The following CHI3L2 variants were observed in gnomAD, a reference collection of about 807,000 sequenced individuals.
CHI3L2 encodes chitinase-3-like protein 2.
A neutral mutation model predicts 47.3 loss-of-function variants in CHI3L2; 47 were observed. The observed-to-expected ratio is 0.99, with a 90% CI of 0.79 to 1.27. The LOEUF (loss-of-function observed/expected upper bound fraction) is 1.27. Among genes scored for constraint, CHI3L2 ranks in the 50% most tolerant of loss-of-function variants. CHI3L2 has a pLI of 0.00. For synonymous variants in CHI3L2, 198 were observed against 169.9 expected (o/e 1.17, Z -1.28); for missense variants, 497 against 462.1 (o/e 1.08, Z -0.69).
At chr1:111,231,511 C>T (rs1257771741) in intron 4 of CHI3L2, 2 of 481,408 alleles carry the variant, frequency 4.2e-6, no homozygotes, top group African/African-American at 4.0e-5. Flanking sequence ...CAAGCCCAGA[C>T]ACTCAAGGCT....
Position 111,235,826 on chromosome 1 carries a change from T to A in CHI3L2, c.605+63T>A, listed in dbSNP as rs1051553142. 37 of 1,594,360 alleles carry A rather than the reference T, an allele frequency of 2.3e-5. No individual in the cohort carries two copies. The East Asian group carries it at 6.7e-4, about 29-fold the overall frequency. The stretch of plus-strand genomic sequence containing the variant: ...CAATTTGGTCCATGCAAATGATGCA[T>A]CAGCATGTTTGACGGATGAGGGGAG... On this transcript the variant is annotated intron_variant, in intron 6 of 10. Coordinates refer to ENST00000369748, the MANE Select transcript of CHI3L2 (RefSeq NM_004000.3).
Position 111,236,125 on chromosome 1 carries a change from A to C in CHI3L2, c.707A>C (p.Asp236Ala), listed in dbSNP as rs753494309. The C allele has an allele frequency of 1.8e-5, 29 of 1,614,172 alleles. No homozygotes were observed. Among genetic ancestry groups the C allele is most frequent in the Non-Finnish European group, 2.4e-5 (28 of 1,180,026 alleles). ...HNSPLSKGWQ[D>A]RGPSSYYNVE... ...AGCCCTCTGAGCAAGGGGTGGCAGG[A>C]CAGAGGGCCAAGCTCCTACTACAAT... Residue 236 changes from aspartate (D) to alanine (A), a missense_variant, in exon 7 of 11, where the codon GAC becomes GCC. Physicochemically the swap from Asp to Ala is moderately radical, Grantham distance 126. Transcript: ENST00000369748.
At chr1:111,238,696 T>A in intron 7 of CHI3L2, 54 bp from the exon 8 acceptor site, 1 of 1,584,628 alleles carries the variant, frequency 6.3e-7, no homozygotes, top group South Asian at 1.1e-5. Flanking sequence ...CTAAAAAAGG[T>A]CTGACACCTT....
intron 2 of CHI3L2, 75 bp from the exon 3 acceptor site, chr1:111,230,667 G>A: frequency 8.1e-7 from 1 of 1,241,326 alleles, no homozygotes; most frequent in Non-Finnish European, 1.2e-6. Flanking sequence ...GGCTGTCTTG[G>A]GGAGAAAATT....
At chr1:111,230,661 G>T in intron 2 of CHI3L2, 81 bp from the exon 3 acceptor site, 1 of 1,189,684 alleles carries the variant, frequency 8.4e-7, no homozygotes, top group Admixed American at 1.8e-5. Flanking sequence ...TGCAATGGCT[G>T]TCTTGGGGAG....
chr1:111,233,846 A>G (rs1238433099), intron 4 of CHI3L2, among the ~76,000 whole-genome samples: 1 of 152,118 alleles, frequency 6.6e-6, no homozygotes, highest in African/African-American at 2.4e-5. Flanking sequence ...GTTCTGTACT[A>G]AGAAAAATTC....
At chr1:111,227,895 A>C in intron 1 of CHI3L2, 126 bp downstream of exon 1, 1 of 961,066 alleles carries the variant, frequency 1.0e-6, no homozygotes, top group Non-Finnish European at 1.6e-6. Flanking sequence ...AGTGTCAAAA[A>C]ATTTCAAGCC....
upstream of CHI3L2, chr1:111,227,674 C>T (rs748153162): frequency 1.3e-6 from 2 of 1,569,790 alleles, no homozygotes; most frequent in Admixed American, 1.7e-5. Flanking sequence ...GCTGTCGAAA[C>T]CTCAGTGGAT....
chr1:111,229,940 G>T, intron 2 of CHI3L2, 59 bp downstream of exon 2: 3 of 1,591,312 alleles, frequency 1.9e-6, no homozygotes, highest in Non-Finnish European at 2.6e-6. Flanking sequence ...TTTCATTTTT[G>T]ATGTACAGTT....
At chr1:111,231,024 A>G (rs1659702736) in intron 3 of CHI3L2, 81 bp downstream of exon 3, 2 of 1,129,792 alleles carry the variant, frequency 1.8e-6, no homozygotes, top group African/African-American at 1.5e-5. Flanking sequence ...AAGACATACT[A>G]TCTCATTCAT....
intron 4 of CHI3L2, among the ~76,000 whole-genome samples, chr1:111,232,544 T>G (rs1659754297): frequency 6.6e-6 from 1 of 152,212 alleles, no homozygotes; most frequent in African/African-American, 2.4e-5. Flanking sequence ...ACAATAAGAA[T>G]AATAACAGAA....
rs1162295623 is a variant in CHI3L2 at position 111,243,242 on chromosome 1, G to A, written c.*28G>A. 1 of 456,068 alleles carries A rather than the reference G, an allele frequency of 2.2e-6. No homozygotes were observed. Among genetic ancestry groups the A allele is most frequent in the Non-Finnish European group, 4.4e-6 (1 of 226,810 alleles). 28.3% of individuals were successfully genotyped at this position (456,068 alleles called of 1,614,324 possible). A position where few individuals can be genotyped will look rare whatever the true frequency, so the allele number is the denominator to read the frequency against. On this transcript the variant is annotated 3_prime_UTR_variant, in exon 11 of 11. Coordinates refer to ENST00000369748, the MANE Select transcript of CHI3L2 (RefSeq NM_004000.3). ...GATTAACTTACAGAGAAGCAGGCAA[G>A]ATGACCTTGCTGCCTGGGGCCTGCT... is the stretch of plus-strand genomic sequence containing the variant.
At chr1:111,234,096 T>C (rs1557708401) in intron 4 of CHI3L2, among the ~76,000 whole-genome samples, 2 of 150,182 alleles carry the variant, frequency 1.3e-5, no homozygotes, top group African/African-American at 2.4e-5. Context: ...CCAGAGACCT[T>C]TGTTCACTTG....
chr1:111,238,258 G>A lies in CHI3L2; in HGVS notation c.736-492G>A, dbSNP rs577839986. Among the ~76,000 whole-genome samples, 16 of 152,290 alleles carry A rather than the reference G, an allele frequency of 1.1e-4. No individual in the cohort carries two copies. In the South Asian group the frequency reaches 1.5e-3, roughly 14 times the overall value. On this transcript the variant is annotated intron_variant, in intron 7 of 10. Transcript: ENST00000369748. ...CTGAGAGCTGTGTCATGGGCCATTCGTCACTCATATTTGGCTCAGAATAAA... is the reference window on the plus strand; with the variant it reads ...CTGAGAGCTGTGTCATGGGCCATTCATCACTCATATTTGGCTCAGAATAAA...
rs1050897486 is a variant in CHI3L2 at position 111,242,145 on chromosome 1, T to C, written c.1036-82T>C. 88 of 1,565,666 alleles carry C rather than the reference T, an allele frequency of 5.6e-5. No homozygotes were observed. The Admixed American group carries it at 1.4e-3, about 26-fold the overall frequency. On this transcript the variant is annotated intron_variant, in intron 9 of 10. Coordinates refer to ENST00000369748, the MANE Select transcript of CHI3L2 (RefSeq NM_004000.3). ...GTCTACTGCTGTATTTTAAGCTTAG[T>C]CCCTCATCTGAACCTGATATGGTCC...
rs1014133365 is a variant in CHI3L2, at chr1:111,231,311, A to G, written c.329+17A>G. The G allele has an allele frequency of 1.9e-6, 3 of 1,572,816 alleles. No individual in the cohort carries two copies. Among genetic ancestry groups the G allele is most frequent in the South Asian group, 2.3e-5 (2 of 88,590 alleles). Reference sequence around the variant, plus strand: ...TTCCAAAGGGTAAGACTACATCTTTATTTTTTGTTCATTTCCCCATGTAAT... The same window carrying G: ...TTCCAAAGGGTAAGACTACATCTTTGTTTTTTGTTCATTTCCCCATGTAAT... On this transcript the variant is annotated intron_variant, in intron 4 of 10. Coordinates refer to ENST00000369748, the MANE Select transcript of CHI3L2 (RefSeq NM_004000.3).
At position 111,238,759 on chromosome 1, in the gene CHI3L2, G is replaced by A. The variant is rs371597889; in HGVS notation, c.745G>A (p.Val249Met). The A allele has an allele frequency of 5.0e-6, 8 of 1,613,750 alleles. No homozygotes were observed. Among genetic ancestry groups the A allele is most frequent in the African/African-American group, 1.3e-5 (1 of 74,908 alleles). Residue 249 changes from valine (V) to methionine (M), a missense_variant, in exon 8 of 11, where the codon GTG (valine) becomes ATG (methionine). Physicochemically the swap from Val to Met is conservative, Grantham distance 21 (BLOSUM62 1). Transcript: ENST00000369748. Reference protein sequence around the residue: ...PSSYYNVEYAVGYWIHKGMPS... With the variant: ...PSSYYNVEYAMGYWIHKGMPS... The stretch of plus-strand genomic sequence containing the variant: ...TCTCTTCCCATTCTAGGAATATGCT[G>A]TGGGGTACTGGATACATAAGGGAAT...
rs541534049 is a variant in CHI3L2 at position 111,234,187 on chromosome 1, A to AT, written c.330-719dup. Among the ~76,000 whole-genome samples, 155 of 149,086 alleles carry AT rather than the reference A, an allele frequency of 1.0e-3. 5 individuals are homozygous for AT. The South Asian group carries it at 0.032, about 31-fold the overall frequency. ...TGCGAGAAACACCCAAGAATGATCA[A>AT]TAAAAAAAAAAAAAAAAGAAAGAAA... On this transcript the variant is annotated intron_variant, in intron 4 of 10. Transcript: ENST00000369748.
chr1:111,238,661 A>C (rs946800080), intron 7 of CHI3L2, 89 bp from the exon 8 acceptor site: 25 of 1,355,310 alleles, frequency 1.8e-5, no homozygotes, highest in Non-Finnish European at 2.5e-5. Flanking sequence ...CCAGGCAGTC[A>C]CCTCTGTGAA....
Sources: allele counts gnomAD v4.1 joint callset (sites outside exome capture counted in the v4.1 genomes callset), GRCh38; gene constraint gnomAD v4.1.1; transcripts MANE v1.5; gene names NCBI Gene and HGNC (gene_info 2026-07-23, HGNC 2026-07-21).